Variants in SATB1 observed in about 807,000 individuals in gnomAD.
The protein encoded by SATB1 is SATB homeobox 1, also known as DNA-binding protein SATB1.
SATB1 carries 11 observed loss-of-function variants against 86.9 expected under a neutral mutation model. That is an observed-to-expected ratio of 0.13 (90% CI 0.08 to 0.21). SATB1 has a LOEUF of 0.21. Among genes scored for constraint, SATB1 ranks in the 10% least tolerant of loss-of-function variants. The pLI, the probability that SATB1 is intolerant of heterozygous loss-of-function variation, is 1.00. For missense variants in SATB1, 551 were observed against 937.6 expected, an observed-to-expected ratio of 0.59 and a Z score of 5.39; for synonymous variants, 357 against 357.2, an observed-to-expected ratio of 1.00 and a Z score of 0.01.
At chr3:18,399,528 A>G (rs1423881652) in intron 5 of SATB1, among the ~76,000 whole-genome samples, 1 of 152,178 alleles carries the variant, frequency 6.6e-6, no homozygotes, top group Non-Finnish European at 1.5e-5. Flanking sequence ...ACTAGAACCT[A>G]TATGTAATAG....
At chr3:18,415,813 G>C (rs111834541) in intron 4 of SATB1, among the ~76,000 whole-genome samples, 194 bp downstream of exon 4, 3 of 151,622 alleles carry the variant, frequency 2.0e-5, no homozygotes, top group Admixed American at 6.6e-5. Flanking sequence ...GTGTGTGTGG[G>C]GGGGGGGATT....
chr3:18,390,955 T>C (rs1233055757), intron 7 of SATB1, among the ~76,000 whole-genome samples: 1 of 152,160 alleles, frequency 6.6e-6, no homozygotes, highest in African/African-American at 2.4e-5. Flanking sequence ...TAGGTTTCCA[T>C]TAAAAAGACA....
rs767573700 is a variant in SATB1, at chr3:18,394,558, C to T, written c.1110G>A (p.Glu370=). The T allele has an allele frequency of 1.9e-6, 3 of 1,614,044 alleles. No individual in the cohort carries two copies. The South Asian group carries it at 3.3e-5, about 18-fold the overall frequency. The part of the protein sequence containing the change: ...PLEQQVSTNT[E]VSSEIYQWVR... ...CCCACTGGTAGATTTCGGAAGACAC[C>T]TCTGTGTTGGTCGAAACCTGTTGCT... Residue 370 remains glutamate (E), a synonymous_variant, in exon 7 of 11, where the codon GAG becomes GAA. Coordinates refer to ENST00000338745, the MANE Select transcript of SATB1 (RefSeq NM_002971.6). This position sits in a 1 kb window ranked among gnomAD's most constrained non-coding sequence, Gnocchi z 5.9.
chr3:18,405,294 C>T (rs1697465604), intron 5 of SATB1, among the ~76,000 whole-genome samples: 1 of 151,906 alleles, frequency 6.6e-6, no homozygotes, highest in Non-Finnish European at 1.5e-5. Context: ...AAATCTCTTT[C>T]TCTGATGCCC....
intron 9 of SATB1, among the ~76,000 whole-genome samples, chr3:18,360,890 A>T (rs1267628565): frequency 6.6e-6 from 1 of 152,186 alleles, no homozygotes; most frequent in Non-Finnish European, 1.5e-5. Flanking sequence ...AAGGTCATTG[A>T]TGGGCAGACA....
At chr3:18,423,428 C>G (rs1041155883) in intron 1 of SATB1, among the ~76,000 whole-genome samples, 199 bp downstream of exon 1, 1 of 152,170 alleles carries the variant, frequency 6.6e-6, no homozygotes, top group African/African-American at 2.4e-5. Context: ...GAGTTTCTAG[C>G]TGGATCGCCT....
intron 5 of SATB1, chr3:18,410,912 G>C: frequency 2.6e-6 from 1 of 388,974 alleles, no homozygotes; most frequent in East Asian, 3.7e-5. Flanking sequence ...ACACCTAAGT[G>C]TATTTAATTC....
chr3:18,366,251 CT>C (rs200177186), intron 9 of SATB1, among the ~76,000 whole-genome samples: 17,099 of 147,464 alleles, frequency 0.12, 2,076 homozygotes, highest in African/African-American at 0.3. Context: ...TCAAGGTATT[CT>C]TTTTTTTTTT....
intron 6 of SATB1, among the ~76,000 whole-genome samples, chr3:18,396,187 C>G (rs993050031): frequency 4.0e-5 from 6 of 151,810 alleles, no homozygotes; most frequent in African/African-American, 1.2e-4. Flanking sequence ...CAGCCTTAAG[C>G]TATAAAAGGC....
chr3:18,417,090 A>G lies in SATB1; in HGVS notation c.212-12T>C, dbSNP rs1408697139. 6.2e-7 allele frequency: 1 copy of G among 1,609,450 alleles called. No homozygotes were observed. Among genetic ancestry groups the G allele is most frequent in the African/African-American group, 1.3e-5 (1 of 74,656 alleles). On this transcript the variant is annotated splice_polypyrimidine_tract_variant and intron_variant, in intron 2 of 10. Coordinates refer to ENST00000338745, the MANE Select transcript of SATB1 (RefSeq NM_002971.6). The stretch of plus-strand genomic sequence containing the variant: ...TGGCAGCATGGTTCCTATCAAAAAG[A>G]TGAAGAAGAAGAGATGGAAAACCAA...
intron 7 of SATB1, among the ~76,000 whole-genome samples, chr3:18,387,581 A>T (rs186549031): frequency 8.5e-5 from 13 of 152,326 alleles, no homozygotes; most frequent in African/African-American, 3.1e-4. Context: ...AATATGAAAT[A>T]AAAGAATTGG....
chr3:18,375,877 T>C (rs936221799), intron 9 of SATB1, among the ~76,000 whole-genome samples: 3 of 152,194 alleles, frequency 2.0e-5, no homozygotes, highest in Admixed American at 2.0e-4. Context: ...TGAGAATAAC[T>C]ATCCAAGGGA....
Position 18,349,882 on chromosome 3 carries a change from G to A in SATB1, c.1780-200C>T, listed in dbSNP as rs1370342867. ...CAAAATGATATGACTAGGAAGGGAT[G>A]AATTAAGACAGCTTTGGGGGGCTAC... On this transcript the variant is annotated intron_variant, in intron 10 of 10. Transcript: ENST00000338745. This position sits in a 1 kb window ranked among gnomAD's most constrained non-coding sequence, Gnocchi z 5.5. 11 of 912,610 alleles carry A rather than the reference G, an allele frequency of 1.2e-5. No individual in the cohort carries two copies. Among genetic ancestry groups the A allele is most frequent in the Non-Finnish European group, 1.3e-5 (8 of 634,450 alleles). The allele number at this position is 912,610 out of a possible 1,614,324, so 56.5% of individuals were successfully genotyped here.
intron 2 of SATB1, chr3:18,417,350 T>C (rs1698169980): frequency 1.8e-6 from 1 of 568,504 alleles, no homozygotes; most frequent in Admixed American, 3.5e-5. Flanking sequence ...CCAAAAGCAA[T>C]GAATGCAGAA....
intron 7 of SATB1, among the ~76,000 whole-genome samples, chr3:18,391,913 A>G (rs1042094856): frequency 3.9e-5 from 6 of 152,332 alleles, no homozygotes; most frequent in African/African-American, 1.4e-4. Context: ...AGAATGACCA[A>G]TGAAAATAAA....
chr3:18,349,644 C>A lies in SATB1; in HGVS notation c.1818G>T (p.Gln606His), dbSNP rs1553613694. Residue 606 changes from glutamine (Q) to histidine (H), a missense_variant, in exon 11 of 11, where the codon CAG (glutamine) becomes CAT (histidine). Gln to His is a conservative substitution (Grantham distance 24). Transcript: ENST00000338745. This position sits in a 1 kb window ranked among gnomAD's most constrained non-coding sequence, Gnocchi z 5.5. ...QQQQQQQQQQQQAPPPPQPQQ... is the reference protein window; with the variant it reads ...QQQQQQQQQQHQAPPPPQPQQ... ...GTGGCTGTGGAGGCGGCGGTGCCTG[C>A]TGCTGCTGCTGCTGCTGTTGCTGTT... The A allele has an allele frequency of 1.9e-6, 3 of 1,607,950 alleles. No homozygotes were observed. The highest frequency in any genetic ancestry group is 2.2e-5 in the South Asian group (2 of 90,706).
At chr3:18,388,782 A>G (rs1247499336) in intron 7 of SATB1, among the ~76,000 whole-genome samples, 1 of 152,118 alleles carries the variant, frequency 6.6e-6, no homozygotes, top group Non-Finnish European at 1.5e-5. Context: ...AGGGCAAAAC[A>G]TAGTTATAAA....
intron 9 of SATB1, among the ~76,000 whole-genome samples, chr3:18,374,705 T>G (rs1474846898): frequency 1.3e-5 from 2 of 152,186 alleles, no homozygotes; most frequent in Non-Finnish European, 2.9e-5. Flanking sequence ...ACGAGTTGGC[T>G]TCTTTTACCG....
upstream of SATB1, among the ~76,000 whole-genome samples, chr3:18,441,832 T>C (rs1575193316): frequency 6.6e-6 from 1 of 152,308 alleles, no homozygotes; most frequent in African/African-American, 2.4e-5. Context: ...ACTAAGTTAA[T>C]GTAGTATTTC....
Sources: gnomAD v4.1 joint callset for allele counts (sites outside exome capture counted in the v4.1 genomes callset) on GRCh38, gnomAD v4.1.1 for gene constraint, Gnocchi (gnomAD v3.1) non-coding constraint, MANE v1.5 for transcripts, NCBI Gene and HGNC (gene_info 2026-07-23, HGNC 2026-07-21) for gene names.